EML6: variants seen among roughly 807,000 people sequenced by gnomAD.
The protein encoded by EML6 is EMAP like 6, also known as echinoderm microtubule-associated protein-like 6.
A neutral mutation model predicts 240.1 loss-of-function variants in EML6; 154 were observed. That is an observed-to-expected ratio of 0.64 (90% CI 0.56 to 0.73). EML6 has a LOEUF of 0.73. Among genes scored for constraint, EML6 ranks in the 30% least tolerant of loss-of-function variants. The pLI, the probability that EML6 is intolerant of heterozygous loss-of-function variation, is 0.00. For synonymous variants in EML6, 1,148 were observed against 899.0 expected (o/e 1.28, Z -4.95); for missense variants, 2,964 against 2,474.6 (o/e 1.20, Z -4.20).
rs375162380 is a variant in EML6, at chr2:54,917,607, C to T, written c.3675+672C>T. Among the ~76,000 whole-genome samples, 52 of 152,278 alleles carry T rather than the reference C, an allele frequency of 3.4e-4. 1 individual carries two copies. Among genetic ancestry groups the T allele is most frequent in the East Asian group, 2.1e-3 (11 of 5,182 alleles). ...TGAACTCCTGACTTTGTGATCCACC[C>T]GCCTTGGCCTCCCAAACTGCTGGGA... On this transcript the variant is annotated intron_variant, in intron 26 of 41. Coordinates refer to ENST00000356458, the MANE Select transcript of EML6 (RefSeq NM_001039753.4).
At chr2:54,937,105 C>T (rs1675176439) in intron 28 of EML6, among the ~76,000 whole-genome samples, 1 of 151,576 alleles carries the variant, frequency 6.6e-6, no homozygotes. Context: ...CGTGGAAAAA[C>T]CCCATCTCTA....
chr2:54,906,894 T>C (rs1199661763), intron 24 of EML6, among the ~76,000 whole-genome samples: 1 of 152,202 alleles, frequency 6.6e-6, no homozygotes, highest in Non-Finnish European at 1.5e-5. Context: ...GAGCAGAATT[T>C]AGAAGCAGGG....
intron 28 of EML6, among the ~76,000 whole-genome samples, chr2:54,942,749 C>T (rs1675492488): frequency 6.6e-6 from 1 of 152,196 alleles, no homozygotes; most frequent in African/African-American, 2.4e-5. Context: ...CCCTGGGTTA[C>T]ATCATCACCA....
intron 2 of EML6, among the ~76,000 whole-genome samples, chr2:54,800,835 C>G (rs529347604): frequency 2.0e-5 from 3 of 152,098 alleles, no homozygotes; most frequent in East Asian, 1.9e-4. Context: ...ATGTAGGATC[C>G]TCAACTCCAG....
At chr2:54,773,476 G>A (rs1158336676) in intron 2 of EML6, among the ~76,000 whole-genome samples, 1 of 152,238 alleles carries the variant, frequency 6.6e-6, no homozygotes, top group Non-Finnish European at 1.5e-5. Context: ...ATCATGCCTG[G>A]AAGGCTGAGC....
intron 26 of EML6, 132 bp downstream of exon 26, chr2:54,917,067 A>G: frequency 1.5e-6 from 1 of 655,366 alleles, no homozygotes; most frequent in Non-Finnish European, 2.5e-6. Flanking sequence ...ATGCTGTATA[A>G]AAACCTCCCT....
intron 5 of EML6, among the ~76,000 whole-genome samples, chr2:54,822,225 A>AT (rs1258028371): frequency 3.3e-5 from 5 of 152,200 alleles, no homozygotes; most frequent in African/African-American, 1.2e-4. Context: ...CAAATTTATG[A>AT]TTGAAAGTAC....
rs538294375 is a variant in EML6, at chr2:54,950,720, A to T, written c.4154A>T (p.Asp1385Val). The T allele has an allele frequency of 6.4e-7, 1 of 1,551,644 alleles. No individual in the cohort carries two copies. Among genetic ancestry groups the T allele is most frequent in the Non-Finnish European group, 8.7e-7 (1 of 1,146,976 alleles). The change falls in exon 30 of 42, where the codon GAT (aspartate) becomes GTT (valine). Residue 1385 changes from aspartate to valine, a missense_variant. Physicochemically the swap from Asp to Val is radical, Grantham distance 152. Transcript: ENST00000356458. ...CGAAATAACCTGCATTACCTTAATGATGGCGCTGACATCATCTTCCACACA... is the reference window on the plus strand; with the variant it reads ...CGAAATAACCTGCATTACCTTAATGTTGGCGCTGACATCATCTTCCACACA... The part of the protein sequence containing the change: ...DCRNNLHYLN[D>V]GADIIFHTAA...
intron 11 of EML6, among the ~76,000 whole-genome samples, chr2:54,854,208 T>C (rs1370282894): frequency 2.0e-5 from 3 of 152,220 alleles, no homozygotes; most frequent in Non-Finnish European, 1.5e-5. Flanking sequence ...TTCAGAGCTA[T>C]TGTGCTTATA....
intron 5 of EML6, among the ~76,000 whole-genome samples, chr2:54,827,130 G>A (rs919680125): frequency 7.9e-5 from 12 of 152,306 alleles, no homozygotes; most frequent in South Asian, 2.1e-4. Flanking sequence ...CTGAGATGGC[G>A]CCATTGCATT....
At chr2:54,878,839 A>T (rs1331377797) in intron 16 of EML6, among the ~76,000 whole-genome samples, 1 of 152,198 alleles carries the variant, frequency 6.6e-6, no homozygotes, top group Non-Finnish European at 1.5e-5. Context: ...GTTCATTATT[A>T]TTCTGGTATT....
intron 24 of EML6, among the ~76,000 whole-genome samples, chr2:54,903,902 G>A (rs774325622): frequency 6.6e-6 from 1 of 152,104 alleles, no homozygotes; most frequent in Non-Finnish European, 1.5e-5. Context: ...CGCCCAAAAA[G>A]GCTCAAGCAA....
In EML6 at chr2:54,781,530, G is replaced by T. The variant is rs1488925113; in HGVS notation, c.198-31702G>T. Among the ~76,000 whole-genome samples the T allele has an allele frequency of 2.0e-5, 3 of 152,096 alleles. No individual in the cohort carries two copies. In the East Asian group the frequency reaches 5.8e-4, roughly 29 times the overall value. On this transcript the variant is annotated intron_variant, in intron 2 of 41. Transcript: ENST00000356458. ...TGAGTGAAAATTTTGAAATCTAATTGTATCTAGACAGTACTGACAAATCAT... is the reference window on the plus strand; with the variant it reads ...TGAGTGAAAATTTTGAAATCTAATTTTATCTAGACAGTACTGACAAATCAT...
At chr2:54,908,138 G>A (rs1164855961) in intron 24 of EML6, among the ~76,000 whole-genome samples, 1 of 151,724 alleles carries the variant, frequency 6.6e-6, no homozygotes, top group Non-Finnish European at 1.5e-5. Context: ...TAGAAGAATA[G>A]CTTTTTGGTT....
intron 28 of EML6, among the ~76,000 whole-genome samples, chr2:54,945,016 A>AC (rs1188787015): frequency 7.9e-5 from 2 of 25,310 alleles, no homozygotes; most frequent in East Asian, 2.7e-3. Context: ...ATTCCTCCCT[A>AC]CCCCCCTCCT....
At chr2:54,840,074 T>G (rs1008556910) in intron 7 of EML6, among the ~76,000 whole-genome samples, 1 of 152,204 alleles carries the variant, frequency 6.6e-6, no homozygotes, top group East Asian at 1.9e-4. Flanking sequence ...ATTAACTCTT[T>G]GCTTCCTGAT....
rs144229990 is a variant in EML6, at chr2:54,917,904, T to A, written c.3675+969T>A. ...CTGTCTAGTCTAGAACTGTATTCAG[T>A]GTTCCAGTTGTAATCTGATCAGGTC... On this transcript the variant is annotated intron_variant, in intron 26 of 41. Coordinates refer to ENST00000356458, the MANE Select transcript of EML6 (RefSeq NM_001039753.4). 2.0e-4 allele frequency among the ~76,000 whole-genome samples: 30 copies of A among 152,344 alleles called. No homozygotes were observed. In the East Asian group the frequency reaches 5.6e-3, roughly 28 times the overall value.
rs1457487585 is a variant in EML6, at chr2:54,829,352, T to G, written c.722T>G (p.Phe241Cys). ...TIQGAHSAGI[F>C]SMYACEEGFA... The stretch of plus-strand genomic sequence containing the variant: ...TGTTTTAATCAACAGGCTGGAATCT[T>G]TAGCATGTATGCTTGTGAAGAAGGC... The change falls in exon 7 of 42, where the codon TTT becomes TGT. Residue 241 changes from phenylalanine to cysteine, a missense_variant. Phe to Cys is a radical substitution (Grantham distance 205). Coordinates refer to ENST00000356458, the MANE Select transcript of EML6 (RefSeq NM_001039753.4). The G allele has an allele frequency of 6.4e-7, 1 of 1,551,766 alleles. No individual in the cohort carries two copies. The highest frequency in any genetic ancestry group is 8.7e-7 in the Non-Finnish European group (1 of 1,146,946).
chr2:54,859,490 T>G, intron 11 of EML6, 44 bp from the exon 12 acceptor site: 1 of 1,486,966 alleles, frequency 6.7e-7, no homozygotes, highest in South Asian at 1.3e-5. Flanking sequence ...ACTAATGAAC[T>G]CTTCTTTTTT....
Sources: gnomAD v4.1 joint callset for allele counts (sites outside exome capture counted in the v4.1 genomes callset) on GRCh38, gnomAD v4.1.1 for gene constraint, MANE v1.5 for transcripts, NCBI Gene and HGNC (gene_info 2026-07-23, HGNC 2026-07-21) for gene names.